The following RTTN variants were observed in gnomAD, a reference collection of about 807,000 sequenced individuals.
The protein encoded by RTTN is rotatin.
RTTN carries 182 observed loss-of-function variants against 269.2 expected under a neutral mutation model. That is an observed-to-expected ratio of 0.68 (90% CI 0.60 to 0.76). The LOEUF (loss-of-function observed/expected upper bound fraction) is 0.76, where lower values mean the gene tolerates loss of function less well. Ranked by LOEUF, RTTN falls within the 30% of genes least tolerant of loss-of-function variation. The pLI, the probability that RTTN is intolerant of heterozygous loss-of-function variation, is 0.00. For missense variants in RTTN, 2,545 were observed against 2,608.6 expected (o/e 0.98, Z 0.53); for synonymous variants, 1,006 against 963.5 (o/e 1.04, Z -0.82).
At chr18:70,199,871 T>C (rs2061906056) in intron 4 of RTTN, among the ~76,000 whole-genome samples, 1 of 152,250 alleles carries the variant, frequency 6.6e-6, no homozygotes. Flanking sequence ...AGGGAAAACC[T>C]TAACTTTTCA....
chr18:70,044,132 C>T (rs1048773322), intron 40 of RTTN, among the ~76,000 whole-genome samples: 2 of 152,170 alleles, frequency 1.3e-5, no homozygotes, highest in African/African-American at 2.4e-5. Flanking sequence ...CCAAAAGGTA[C>T]TTAATGTAAA....
At chr18:70,133,666 A>G (rs2060052627) in intron 23 of RTTN, among the ~76,000 whole-genome samples, 1 of 152,178 alleles carries the variant, frequency 6.6e-6, no homozygotes, top group Non-Finnish European at 1.5e-5. Flanking sequence ...TAGCAAAAAT[A>G]ATGTACAGCA....
chr18:70,145,750 G>A lies in RTTN; in HGVS notation c.2343C>T (p.Phe781=), dbSNP rs766858985. ...VRSLALKLLA[F]HLTSEEGADT... is the part of the protein sequence containing the mutation. ...CAGCCCCTTCTTCACTGGTAAGATG[G>A]AATGCTAAAAGCTTTAATGCTAGCG... is the stretch of plus-strand genomic sequence containing the variant. Residue 781 remains phenylalanine, a synonymous_variant, in exon 18 of 49, where the codon TTC becomes TTT. Coordinates refer to ENST00000640769, the MANE Select transcript of RTTN (RefSeq NM_173630.4). The A allele has an allele frequency of 6.2e-7, 1 of 1,612,522 alleles. No homozygotes were observed. The highest frequency in any genetic ancestry group is 8.5e-7 in the Non-Finnish European group (1 of 1,179,338).
chr18:70,196,723 G>T, intron 6 of RTTN, 75 bp from the exon 7 acceptor site: 5 of 1,395,786 alleles, frequency 3.6e-6, no homozygotes, highest in Non-Finnish European at 5.0e-6. Flanking sequence ...TGGAGCTTAA[G>T]TAAGTAAGCC....
intron 32 of RTTN, among the ~76,000 whole-genome samples, chr18:70,086,194 A>G (rs2058694316): frequency 6.6e-6 from 1 of 152,198 alleles, no homozygotes. Context: ...GTAATACAGC[A>G]AAGTGGGTAA....
At chr18:70,081,524 CA>C (rs974353510) in intron 32 of RTTN, among the ~76,000 whole-genome samples, 1 of 152,094 alleles carries the variant, frequency 6.6e-6, no homozygotes, top group African/African-American at 2.4e-5. Flanking sequence ...TATCTCTTGA[CA>C]TGTTGCACTG....
Position 70,017,459 on chromosome 18 carries a change from G to T in RTTN, c.6369C>A (p.Ile2123=), listed in dbSNP as rs745431671. 1.2e-6 allele frequency: 2 copies of T among 1,613,888 alleles called. No homozygotes were observed. Among genetic ancestry groups the T allele is most frequent in the Non-Finnish European group, 1.7e-6 (2 of 1,179,948 alleles). Residue 2123 remains isoleucine, a synonymous_variant, in exon 46 of 49, where the codon ATC becomes ATA. Transcript: ENST00000640769. ...CAGGACTGAAGCAAACATTATGAAA[G>T]ATAAGAAGAGGCAATAAAGGGCTGC... The part of the protein sequence containing the change: ...HKSSPLLPLL[I]FHNVCFSPAN...
intron 14 of RTTN, among the ~76,000 whole-genome samples, chr18:70,152,976 C>T (rs573519812): frequency 6.6e-6 from 1 of 152,180 alleles, no homozygotes; most frequent in Non-Finnish European, 1.5e-5. Context: ...CAGACCCAAT[C>T]TGGTACCATT....
chr18:70,007,872 A>T (rs2056244586), intron 46 of RTTN: 1 of 152,412 alleles, frequency 6.6e-6, no homozygotes, highest in African/African-American at 2.4e-5. Context: ...CTCTGAAGAG[A>T]GCAGTGGACC....
chr18:70,130,729 T>G (rs542135577), intron 23 of RTTN: 4 of 152,016 alleles, frequency 2.6e-5, no homozygotes, highest in African/African-American at 9.6e-5. Context: ...AGTAGCACAA[T>G]AGGGTAAAAA....
Position 70,062,511 on chromosome 18 carries a change from T to C in RTTN, c.4748-2469A>G, listed in dbSNP as rs539847008. On this transcript the variant is annotated intron_variant, in intron 35 of 48. Transcript: ENST00000640769. ...ATGCAAAAGTAGAAAACTGTAAATA[T>C]CATAAACTATAAATACTCTTTATCA... Among the ~76,000 whole-genome samples, 9 of 152,266 alleles carry C rather than the reference T, an allele frequency of 5.9e-5. No homozygotes were observed. In the South Asian group the frequency reaches 1.0e-3, roughly 18 times the overall value.
chr18:70,170,542 A>G (rs1316037029), intron 11 of RTTN, among the ~76,000 whole-genome samples: 1 of 152,204 alleles, frequency 6.6e-6, no homozygotes, highest in Non-Finnish European at 1.5e-5. Flanking sequence ...GAAAGCATTT[A>G]TAGAAGAGGG....
intron 23 of RTTN, among the ~76,000 whole-genome samples, chr18:70,133,270 T>C (rs1248750160): frequency 2.0e-5 from 3 of 152,168 alleles, no homozygotes; most frequent in Middle Eastern, 3.2e-3. Flanking sequence ...CCATTAAGAC[T>C]GGTAATGCAA....
At chr18:70,191,412 G>A (rs978858635) in intron 8 of RTTN, among the ~76,000 whole-genome samples, 5 of 152,106 alleles carry the variant, frequency 3.3e-5, no homozygotes, top group Admixed American at 1.3e-4. Context: ...CCGTTTCCTA[G>A]ATTTTCTGAG....
At chr18:70,105,803 T>C (rs1394699767) in intron 28 of RTTN, among the ~76,000 whole-genome samples, 1 of 152,110 alleles carries the variant, frequency 6.6e-6, no homozygotes, top group Non-Finnish European at 1.5e-5. Flanking sequence ...CATTATTTAG[T>C]AATAAAAATA....
chr18:70,205,480 G>A, intron 1 of RTTN, 148 bp downstream of exon 1: 1 of 1,324,224 alleles, frequency 7.6e-7, no homozygotes. Context: ...CAAAGTCCGA[G>A]ATGGGTCCCC....
At chr18:70,091,351 G>C (rs1436935683) in intron 30 of RTTN, among the ~76,000 whole-genome samples, 2 of 152,072 alleles carry the variant, frequency 1.3e-5, no homozygotes, top group African/African-American at 4.8e-5. Flanking sequence ...GGGTTTCTAG[G>C]AGATAATTAA....
intron 35 of RTTN, among the ~76,000 whole-genome samples, chr18:70,061,971 A>G (rs2057999888): frequency 6.6e-6 from 1 of 152,226 alleles, no homozygotes; most frequent in Non-Finnish European, 1.5e-5. Flanking sequence ...TCTGGCTTTC[A>G]TTGTCTACAA....
chr18:70,100,800 T>A (rs1244760286), intron 28 of RTTN, among the ~76,000 whole-genome samples: 1 of 152,216 alleles, frequency 6.6e-6, no homozygotes, highest in African/African-American at 2.4e-5. Flanking sequence ...CTGTTGAATT[T>A]TGTCAATGGC....
Sources: allele counts gnomAD v4.1 joint callset (sites outside exome capture counted in the v4.1 genomes callset), GRCh38; gene constraint gnomAD v4.1.1; transcripts MANE v1.5; gene names NCBI Gene and HGNC (gene_info 2026-07-23, HGNC 2026-07-21).